Variants in SNTG1 observed in about 807,000 individuals in gnomAD.
SNTG1 encodes the protein syntrophin gamma 1, also known as gamma-1-syntrophin.
In SNTG1, 39 loss-of-function variants were observed where a neutral mutation model predicts 74.7. That is an observed-to-expected ratio of 0.52 (90% CI 0.40 to 0.68). The LOEUF is 0.68. Ranked by LOEUF, SNTG1 falls within the 30% of genes least tolerant of loss-of-function variation. The pLI is 0.00. For missense variants in SNTG1, 685 were observed against 609.5 expected, an observed-to-expected ratio of 1.12 and a Z score of -1.30; for synonymous variants, 254 against 217.1, an observed-to-expected ratio of 1.17 and a Z score of -1.49.
At chr8:50,776,333 CAGTT>C (rs2095640680) in intron 18 of SNTG1, among the ~76,000 whole-genome samples, 1 of 149,402 alleles carries the variant, frequency 6.7e-6, no homozygotes, top group Non-Finnish European at 1.5e-5. Context: ...AACATCTTAT[CAGTT>C]AGGTGTAGAA....
chr8:50,629,669 A>C (rs987356709), intron 13 of SNTG1, among the ~76,000 whole-genome samples: 1 of 152,172 alleles, frequency 6.6e-6, no homozygotes, highest in Admixed American at 6.6e-5. Context: ...GCTTCTGTTC[A>C]TAAAAGATTC....
intron 1 of SNTG1, among the ~76,000 whole-genome samples, chr8:50,051,239 G>GACACACACACACACACACACACACAC: frequency 6.8e-6 from 1 of 147,222 alleles, no homozygotes; most frequent in African/African-American, 2.5e-5. Flanking sequence ...AGAAAATCTT[G>GACACACACACACACACACACACACAC]ACACACACAC....
chr8:50,470,486 C>A (rs1039989311), intron 8 of SNTG1, among the ~76,000 whole-genome samples: 1 of 151,952 alleles, frequency 6.6e-6, no homozygotes, highest in Non-Finnish European at 1.5e-5. Context: ...ATGGTCTTCC[C>A]GACTTCAGGA....
rs550880652 is a variant in SNTG1, at chr8:50,738,729, G to C, written c.1285-13272G>C. The stretch of plus-strand genomic sequence containing the variant: ...AACAGAGATATAGACCAATGGAACA[G>C]AATAGAGGCCTCAGAAATAACACCA... On this transcript the variant is annotated intron_variant, in intron 17 of 18. Coordinates refer to ENST00000642720, the MANE Select transcript of SNTG1 (RefSeq NM_018967.5). Among the ~76,000 whole-genome samples, 18 of 150,532 alleles carry C rather than the reference G, an allele frequency of 1.2e-4. No homozygotes were observed. The South Asian group carries it at 3.8e-3, about 31-fold the overall frequency.
intron 9 of SNTG1, among the ~76,000 whole-genome samples, chr8:50,511,744 C>CT (rs1245423911): frequency 6.7e-6 from 1 of 149,028 alleles, no homozygotes; most frequent in African/African-American, 2.4e-5. Flanking sequence ...CAACCTCTGC[C>CT]TTTTTTTGTT....
chr8:50,321,718 A>AG (rs202043364), intron 2 of SNTG1, among the ~76,000 whole-genome samples: 8,170 of 141,242 alleles, frequency 0.058, 250 homozygotes, highest in Middle Eastern at 0.12. Flanking sequence ...GGTTAAAATG[A>AG]GGCTTGCAAA....
At chr8:50,489,031 G>A (rs988219044) in intron 8 of SNTG1, among the ~76,000 whole-genome samples, 1 of 152,010 alleles carries the variant, frequency 6.6e-6, no homozygotes, top group African/African-American at 2.4e-5. Context: ...TGTGGTGTTT[G>A]GTTTTCTGTT....
chr8:50,421,177 T>A lies in SNTG1; in HGVS notation c.163-17366T>A, dbSNP rs554405866. Among the ~76,000 whole-genome samples the A allele has an allele frequency of 9.2e-3, 1,398 of 151,700 alleles. 26 individuals carry two copies. Among genetic ancestry groups the A allele is most frequent in the African/African-American group, 0.032 (1,326 of 41,314 alleles). On this transcript the variant is annotated intron_variant, in intron 4 of 18. Coordinates refer to ENST00000642720, the MANE Select transcript of SNTG1 (RefSeq NM_018967.5). ...AATCCATACCCCAAGAGAGGGCTCT[T>A]AGATCTCCACAAGAAAGAATTCAGT...
intron 1 of SNTG1, among the ~76,000 whole-genome samples, chr8:49,948,625 T>A (rs929484337): frequency 6.6e-6 from 1 of 152,224 alleles, no homozygotes; most frequent in African/African-American, 2.4e-5. Flanking sequence ...TGTACTCGAA[T>A]CTTCTTAAGT....
intron 1 of SNTG1, among the ~76,000 whole-genome samples, chr8:49,991,438 G>C (rs1038755973): frequency 2.6e-5 from 4 of 152,070 alleles, no homozygotes; most frequent in Non-Finnish European, 5.9e-5. Context: ...TACTCCTAGG[G>C]TTATACCCAA....
In SNTG1 at chr8:50,704,764, TG is replaced by T; in HGVS notation, c.1191+15del. The T allele has an allele frequency of 6.2e-7, 1 of 1,613,826 alleles. No homozygotes were observed. The highest frequency in any genetic ancestry group is 8.5e-7 in the Non-Finnish European group (1 of 1,179,858). On this transcript the variant is annotated intron_variant, in intron 16 of 18. Coordinates refer to ENST00000642720, the MANE Select transcript of SNTG1 (RefSeq NM_018967.5). ...TAGAACGGATACAGGTGAGAGTCTGTGGGACTGCAGGATGTGTGGCTCCCTC... is the reference window on the plus strand; with the variant it reads ...TAGAACGGATACAGGTGAGAGTCTGTGGACTGCAGGATGTGTGGCTCCCTC...
At chr8:50,408,493 T>G (rs1164529381) in intron 4 of SNTG1, among the ~76,000 whole-genome samples, 4 of 152,048 alleles carry the variant, frequency 2.6e-5, no homozygotes, top group African/African-American at 9.7e-5. Flanking sequence ...TGGGACAAGG[T>G]CTGGGATAGG....
intron 17 of SNTG1, among the ~76,000 whole-genome samples, chr8:50,712,188 CAAG>C (rs1417272295): frequency 6.6e-6 from 1 of 151,898 alleles, no homozygotes; most frequent in African/African-American, 2.4e-5. Flanking sequence ...GAAGTGGAGA[CAAG>C]GAGGATGAAA....
intron 1 of SNTG1, among the ~76,000 whole-genome samples, chr8:50,060,552 CT>C (rs975578168): frequency 1.5e-3 from 220 of 151,018 alleles, no homozygotes; most frequent in Non-Finnish European, 2.6e-3. Context: ...GATTTCTTCC[CT>C]TTTTTTTTCT....
rs562168988 is a variant in SNTG1, at chr8:50,620,922, A to C, written c.849+30005A>C. ...GTGGCTAGAGAGGCATGGATGATAG[A>C]AAGCAGGATCTCTGGTGAGCTTGGA... On this transcript the variant is annotated intron_variant, in intron 13 of 18. Transcript: ENST00000642720. 1.2e-4 allele frequency among the ~76,000 whole-genome samples: 19 copies of C among 152,280 alleles called. No homozygotes were observed. In the South Asian group the frequency reaches 3.9e-3, roughly 32 times the overall value.
At chr8:49,943,827 T>C (rs1363821018) in intron 1 of SNTG1, among the ~76,000 whole-genome samples, 4 of 152,250 alleles carry the variant, frequency 2.6e-5, no homozygotes, top group African/African-American at 9.6e-5. Context: ...TCCATTTTAA[T>C]TTTGGTTCAA....
intron 8 of SNTG1, among the ~76,000 whole-genome samples, chr8:50,496,340 C>T (rs1265219975): frequency 2.6e-5 from 4 of 152,154 alleles, no homozygotes; most frequent in African/African-American, 7.2e-5. Flanking sequence ...TCTTCCTGCC[C>T]TTGCTGTCTG....
At chr8:49,912,317 T>A in intron 1 of SNTG1, 86 bp downstream of exon 1, 1 of 152,190 alleles carries the variant, frequency 6.6e-6, no homozygotes, top group Non-Finnish European at 1.5e-5. Flanking sequence ...GCAGTGTAAT[T>A]TTTTCTGGGG....
chr8:50,722,626 C>A (rs34486025), intron 17 of SNTG1, among the ~76,000 whole-genome samples: 85,158 of 151,906 alleles, frequency 0.56, 26,045 homozygotes, highest in Non-Finnish European at 0.67. Context: ...CTTTTATATT[C>A]TTTAATTAAT....
Sources: allele counts gnomAD v4.1 joint callset (sites outside exome capture counted in the v4.1 genomes callset), GRCh38; gene constraint gnomAD v4.1.1; transcripts MANE v1.5; gene names NCBI Gene and HGNC (gene_info 2026-07-23, HGNC 2026-07-21).